The following FHIP1A variants were observed in gnomAD, a reference collection of about 807,000 sequenced individuals.
FHIP1A encodes FHF complex subunit HOOK-interacting protein 1A.
FHIP1A carries 61 observed loss-of-function variants against 88.6 expected under a neutral mutation model. The observed-to-expected ratio is 0.69, with a 90% CI of 0.56 to 0.85. The LOEUF is 0.85. Among genes scored for constraint, FHIP1A ranks in the 40% least tolerant of loss-of-function variants. The probability of loss-of-function intolerance (pLI) is 0.00; values close to 1 mark genes in which losing one functional copy is unlikely to be tolerated. For synonymous variants in FHIP1A, 478 were observed against 496.0 expected, an observed-to-expected ratio of 0.96 and a Z score of 0.48; for missense variants, 1,154 against 1,273.5, an observed-to-expected ratio of 0.91 and a Z score of 1.43.
intron 4 of FHIP1A, among the ~76,000 whole-genome samples, chr4:151,572,563 C>T (rs1733636535): frequency 6.6e-6 from 1 of 152,168 alleles, no homozygotes; most frequent in East Asian, 1.9e-4. Context: ...AAGTAATGAA[C>T]AAGGACTGTA....
chr4:151,631,397 C>T (rs570083936), intron 8 of FHIP1A, among the ~76,000 whole-genome samples: 1 of 152,112 alleles, frequency 6.6e-6, no homozygotes, highest in East Asian at 1.9e-4. Context: ...TAGAAAGACA[C>T]AAACTTATGA....
intron 1 of FHIP1A, among the ~76,000 whole-genome samples, chr4:151,446,566 T>G (rs1009746674): frequency 4.9e-5 from 7 of 142,474 alleles, no homozygotes; most frequent in African/African-American, 1.8e-4. Context: ...TAAATATGAA[T>G]GTGTTGTTCT....
chr4:151,475,962 A>G (rs930411769), intron 2 of FHIP1A, among the ~76,000 whole-genome samples: 1 of 151,688 alleles, frequency 6.6e-6, no homozygotes, highest in Non-Finnish European at 1.5e-5. Flanking sequence ...CCCGTGTTCA[A>G]GCAATTCTCC....
At chr4:151,444,784 A>G (rs1470441599) in intron 1 of FHIP1A, among the ~76,000 whole-genome samples, 1 of 152,308 alleles carries the variant, frequency 6.6e-6, no homozygotes, top group East Asian at 1.9e-4. Flanking sequence ...TTTTTACTAC[A>G]GTGTAGCACT....
intron 2 of FHIP1A, among the ~76,000 whole-genome samples, chr4:151,463,443 C>T (rs192393959): frequency 7.9e-5 from 12 of 152,318 alleles, no homozygotes; most frequent in Middle Eastern, 3.4e-3. Context: ...GCACCTTGAT[C>T]GTCACAGACA....
intron 8 of FHIP1A, 81 bp downstream of exon 8, chr4:151,629,950 A>C: frequency 1.7e-6 from 2 of 1,169,496 alleles, no homozygotes; most frequent in Non-Finnish European, 2.4e-6. Context: ...GAAATTATGA[A>C]TATTCTCTTT....
intron 7 of FHIP1A, among the ~76,000 whole-genome samples, chr4:151,590,124 C>T (rs1225234364): frequency 6.6e-6 from 1 of 152,196 alleles, no homozygotes; most frequent in Non-Finnish European, 1.5e-5. Flanking sequence ...GAATGGGTAT[C>T]TTGCATTGAA....
At chr4:151,554,687 T>C (rs1732878660) in intron 3 of FHIP1A, among the ~76,000 whole-genome samples, 1 of 152,194 alleles carries the variant, frequency 6.6e-6, no homozygotes, top group Non-Finnish European at 1.5e-5. Flanking sequence ...ACTTGTTCTT[T>C]TAACTGCACA....
chr4:151,577,656 G>A lies in FHIP1A; in HGVS notation c.312G>A (p.Trp104Ter), dbSNP rs1560778623. ...SENIMEKLFL[W>*]SLRREFTDET... ...ACATCATGGAGAAACTTTTCCTTTG[G>A]AGCTTGAGAAGGGAGTTTACTGATG... Residue 104 changes from tryptophan (W) to a stop codon, truncating the protein, a stop_gained, in exon 5 of 14, where the codon TGG becomes TGA. Transcript: ENST00000435205. LOFTEE classifies it high-confidence loss of function. 9 of 1,551,684 alleles carry A rather than the reference G, an allele frequency of 5.8e-6. No homozygotes were observed. Among genetic ancestry groups the A allele is most frequent in the Non-Finnish European group, 7.0e-6 (8 of 1,146,966 alleles).
intron 7 of FHIP1A, among the ~76,000 whole-genome samples, chr4:151,595,238 T>C (rs1344125342): frequency 6.6e-6 from 1 of 152,230 alleles, no homozygotes; most frequent in African/African-American, 2.4e-5. Flanking sequence ...TTTATTCCCA[T>C]TGGTTTCAAA....
chr4:151,556,527 A>G (rs952654142), intron 3 of FHIP1A, among the ~76,000 whole-genome samples: 1 of 152,114 alleles, frequency 6.6e-6, no homozygotes, highest in Non-Finnish European at 1.5e-5. Context: ...TTCCTTTTCT[A>G]TGAAAGCAGG....
chr4:151,476,388 A>C (rs1198280774), intron 2 of FHIP1A, among the ~76,000 whole-genome samples: 1 of 151,754 alleles, frequency 6.6e-6, no homozygotes, highest in Non-Finnish European at 1.5e-5. Context: ...GCCTTAAGAA[A>C]TCCTCTCACC....
chr4:151,597,258 T>TAAC (rs1734685877), intron 7 of FHIP1A, among the ~76,000 whole-genome samples: 1 of 152,164 alleles, frequency 6.6e-6, no homozygotes, highest in Non-Finnish European at 1.5e-5. Flanking sequence ...TTTCTGTTTG[T>TAAC]TAGTTTTCCT....
At chr4:151,578,343 A>AT (rs1461707848) in intron 5 of FHIP1A, among the ~76,000 whole-genome samples, 1 of 152,156 alleles carries the variant, frequency 6.6e-6, no homozygotes, top group Non-Finnish European at 1.5e-5. Flanking sequence ...ATTAAGAATG[A>AT]TTTTAGTTGT....
chr4:151,531,869 C>T (rs570393477), intron 3 of FHIP1A, among the ~76,000 whole-genome samples: 1 of 151,978 alleles, frequency 6.6e-6, no homozygotes, highest in Non-Finnish European at 1.5e-5. Flanking sequence ...ATCTGGATCT[C>T]CAGGGCCCAA....
At chr4:151,535,135 G>C (rs1308064028) in intron 3 of FHIP1A, among the ~76,000 whole-genome samples, 1 of 152,102 alleles carries the variant, frequency 6.6e-6, no homozygotes, top group Non-Finnish European at 1.5e-5. Context: ...AGGATTGCTT[G>C]AGCCCCGGAA....
chr4:151,491,948 A>G (rs1229950830), intron 3 of FHIP1A, among the ~76,000 whole-genome samples: 2 of 152,210 alleles, frequency 1.3e-5, no homozygotes, highest in Non-Finnish European at 2.9e-5. Flanking sequence ...CAGCAGGAAA[A>G]TAACACAATT....
rs549638472 is a variant in FHIP1A at position 151,607,352 on chromosome 4, G to A, written c.978+18426G>A. Reference sequence around the variant, plus strand: ...CTGCAACTAGGTAACATGGAGTGACGGTAGCACTATTAAATCTGGATTGAA... The same window carrying A: ...CTGCAACTAGGTAACATGGAGTGACAGTAGCACTATTAAATCTGGATTGAA... On this transcript the variant is annotated intron_variant, in intron 7 of 13. Transcript: ENST00000435205. Among the ~76,000 whole-genome samples, 5 of 152,304 alleles carry A rather than the reference G, an allele frequency of 3.3e-5. No homozygotes were observed. The South Asian group carries it at 8.3e-4, about 25-fold the overall frequency.
chr4:151,630,351 A>G (rs1736109492), intron 8 of FHIP1A, among the ~76,000 whole-genome samples: 1 of 152,200 alleles, frequency 6.6e-6, no homozygotes, highest in South Asian at 2.1e-4. Context: ...TTAACTTGAA[A>G]AATACTCCTC....
Sources: allele counts gnomAD v4.1 joint callset (sites outside exome capture counted in the v4.1 genomes callset), GRCh38; gene constraint gnomAD v4.1.1; transcripts MANE v1.5; gene names NCBI Gene and HGNC (gene_info 2026-07-23, HGNC 2026-07-21).